UTRN: variants seen among roughly 807,000 people sequenced by gnomAD.
UTRN encodes the protein dystrophin-related protein 1.
Under a neutral mutation model 463.9 loss-of-function variants are expected in UTRN, and 283 were observed. The ratio of observed to expected loss-of-function variants is 0.61; its 90% CI spans 0.55 to 0.67. UTRN has a LOEUF of 0.67. Ranked by LOEUF, UTRN falls within the 30% of genes least tolerant of loss-of-function variation. The pLI is 0.00. For synonymous variants in UTRN, 1,442 were observed against 1,431.5 expected (o/e 1.01, Z -0.17); for missense variants, 3,922 against 4,084.3 (o/e 0.96, Z 1.08).
chr6:144,795,336 G>A (rs1200948521), intron 63 of UTRN, among the ~76,000 whole-genome samples: 1 of 152,106 alleles, frequency 6.6e-6, no homozygotes, highest in Non-Finnish European at 1.5e-5. Flanking sequence ...AAACATACGT[G>A]CGCATGTGTC....
rs79810584 is a variant in UTRN, at chr6:144,315,853, G to A, written c.79+23946G>A. Among the ~76,000 whole-genome samples, 1,433 of 152,302 alleles carry A rather than the reference G, an allele frequency of 9.4e-3. 24 individuals carry two copies. Among genetic ancestry groups the A allele is most frequent in the African/African-American group, 0.033 (1,367 of 41,556 alleles). On this transcript the variant is annotated intron_variant, in intron 2 of 74. Coordinates refer to ENST00000367545, the MANE Select transcript of UTRN (RefSeq NM_007124.3). ...CTTGGCATGATCTGGTGATGATCTGGCAGAATAGGTATTACCATGATTTGC... is the reference window on the plus strand; with the variant it reads ...CTTGGCATGATCTGGTGATGATCTGACAGAATAGGTATTACCATGATTTGC...
At chr6:144,361,806 A>T (rs542840840) in intron 2 of UTRN, among the ~76,000 whole-genome samples, 1 of 137,362 alleles carries the variant, frequency 7.3e-6, no homozygotes, top group Non-Finnish European at 1.5e-5. Flanking sequence ...GGGTCTCGCT[A>T]TGTTGCCCAG....
At chr6:144,332,761 A>C (rs1776426697) in intron 2 of UTRN, among the ~76,000 whole-genome samples, 1 of 152,048 alleles carries the variant, frequency 6.6e-6, no homozygotes, top group Non-Finnish European at 1.5e-5. Context: ...GTATATTCTC[A>C]GTTCTCTAAA....
In UTRN at chr6:144,488,610, A is replaced by G. The variant is rs114132301; in HGVS notation, c.3973-63A>G. The G allele has an allele frequency of 8.3e-4, 1,273 of 1,538,258 alleles. 3 individuals are homozygous for G. The African/African-American group carries it at 0.014, about 17-fold the overall frequency. ...ATGGTCTTTTCTTAGTGGCCAGAAT[A>G]TATATATTCTGCTATTTATATTTGT... is the stretch of plus-strand genomic sequence containing the variant. On this transcript the variant is annotated intron_variant, in intron 29 of 74. Coordinates refer to ENST00000367545, the MANE Select transcript of UTRN (RefSeq NM_007124.3).
intron 54 of UTRN, among the ~76,000 whole-genome samples, chr6:144,731,257 C>G (rs1436981923): frequency 6.6e-6 from 1 of 152,034 alleles, no homozygotes; most frequent in East Asian, 1.9e-4. Context: ...AGTAACTACC[C>G]TACTAACAAA....
intron 2 of UTRN, among the ~76,000 whole-genome samples, chr6:144,384,610 A>G (rs1781251869): frequency 6.6e-6 from 1 of 151,824 alleles, no homozygotes; most frequent in South Asian, 2.1e-4. Flanking sequence ...GGCAACCACC[A>G]TTTTACTTTC....
intron 2 of UTRN, among the ~76,000 whole-genome samples, chr6:144,389,867 G>A (rs1781759890): frequency 6.6e-6 from 1 of 152,158 alleles, no homozygotes; most frequent in Non-Finnish European, 1.5e-5. Flanking sequence ...CCAAAGTGCT[G>A]GGATTACAGG....
At chr6:144,796,397 T>C (rs1293666875) in intron 63 of UTRN, among the ~76,000 whole-genome samples, 1 of 152,214 alleles carries the variant, frequency 6.6e-6, no homozygotes, top group East Asian at 1.9e-4. Flanking sequence ...AATATTCAGA[T>C]TATTACATTT....
chr6:144,393,275 TAAC>T (rs1482627344), intron 2 of UTRN, among the ~76,000 whole-genome samples: 1 of 152,218 alleles, frequency 6.6e-6, no homozygotes, highest in East Asian at 1.9e-4. Context: ...TGCAACTCCT[TAAC>T]AACATGCTAG....
chr6:144,564,152 G>C (rs1800182466), intron 50 of UTRN, among the ~76,000 whole-genome samples: 1 of 152,150 alleles, frequency 6.6e-6, no homozygotes, highest in Non-Finnish European at 1.5e-5. Context: ...TGCATAGGGG[G>C]AGCCTGCAAT....
In UTRN at chr6:144,603,773, TC is replaced by T. The variant is rs1231087541; in HGVS notation, c.7479+26487del. Reference sequence around the variant, plus strand: ...CCTAGTCATTGATATATCCATTAGTTCCTAAAAAGAAAGCAGAAGTTACAAG... The same window carrying T: ...CCTAGTCATTGATATATCCATTAGTTCTAAAAAGAAAGCAGAAGTTACAAG... On this transcript the variant is annotated intron_variant, in intron 51 of 74. Coordinates refer to ENST00000367545, the MANE Select transcript of UTRN (RefSeq NM_007124.3). 7.2e-5 allele frequency among the ~76,000 whole-genome samples: 11 copies of T among 152,282 alleles called. No homozygotes were observed. The East Asian group carries it at 2.1e-3, about 29-fold the overall frequency.
At chr6:144,448,495 A>G in intron 16 of UTRN, 105 bp from the exon 17 acceptor site, 2 of 1,279,718 alleles carry the variant, frequency 1.6e-6, no homozygotes, top group Non-Finnish European at 2.2e-6. Context: ...AAATGTGCTA[A>G]TAACCATTAA....
intron 2 of UTRN, among the ~76,000 whole-genome samples, chr6:144,301,536 CTTTTT>C (rs200484231): frequency 7.0e-4 from 65 of 92,756 alleles, no homozygotes; most frequent in South Asian, 2.4e-3. Flanking sequence ...TTCTTTCTTT[CTTTTT>C]TTTTTTTTTT....
intron 51 of UTRN, among the ~76,000 whole-genome samples, chr6:144,630,515 T>G (rs943820636): frequency 6.6e-6 from 1 of 152,092 alleles, no homozygotes; most frequent in Non-Finnish European, 1.5e-5. Flanking sequence ...CATAAAACCA[T>G]CAGATCTCGT....
intron 3 of UTRN, among the ~76,000 whole-genome samples, chr6:144,406,356 C>CTTTTTTT (rs57721924): frequency 1.4e-4 from 18 of 125,556 alleles, no homozygotes; most frequent in African/African-American, 3.0e-4. Flanking sequence ...TTTTTCTTTT[C>CTTTTTTT]TTTTTTTTTT....
At chr6:144,451,867 CTA>C (rs1373963049) in intron 18 of UTRN, among the ~76,000 whole-genome samples, 1 of 152,120 alleles carries the variant, frequency 6.6e-6, no homozygotes, top group East Asian at 1.9e-4. Context: ...ATACAACAAA[CTA>C]TTTTAAATCA....
At chr6:144,635,138 G>GTTT (rs149100143) in intron 51 of UTRN, among the ~76,000 whole-genome samples, 140 of 103,056 alleles carry the variant, frequency 1.4e-3, no homozygotes, top group South Asian at 2.6e-3. Context: ...TTATTTGTGT[G>GTTT]TTTTTTTTTT....
chr6:144,662,514 T>TA (rs1779977491), intron 51 of UTRN, among the ~76,000 whole-genome samples: 1 of 152,228 alleles, frequency 6.6e-6, no homozygotes, highest in South Asian at 2.1e-4. Flanking sequence ...AGTAACCTGT[T>TA]TCTAGAGAGA....
At chr6:144,612,750 G>T (rs1805658709) in intron 51 of UTRN, among the ~76,000 whole-genome samples, 1 of 152,092 alleles carries the variant, frequency 6.6e-6, no homozygotes, top group Non-Finnish European at 1.5e-5. Context: ...CATATATTGT[G>T]AGTGGGAATG....
Sources: allele counts gnomAD v4.1 joint callset (sites outside exome capture counted in the v4.1 genomes callset), GRCh38; gene constraint gnomAD v4.1.1; transcripts MANE v1.5; gene names NCBI Gene and HGNC (gene_info 2026-07-23, HGNC 2026-07-21).